POLN: variants seen among roughly 807,000 people sequenced by gnomAD.
POLN encodes DNA polymerase N.
In POLN, 108 loss-of-function variants were observed where a neutral mutation model predicts 113.5. The observed-to-expected ratio is 0.95, with a 90% CI of 0.81 to 1.12. The LOEUF (loss-of-function observed/expected upper bound fraction) is 1.12, where lower values mean the gene tolerates loss of function less well. POLN is among the 50% of genes most tolerant of loss of function. The pLI is 0.00. For missense variants in POLN, 1,097 were observed against 1,077.1 expected, an observed-to-expected ratio of 1.02 and a Z score of -0.26; for synonymous variants, 386 against 391.5, an observed-to-expected ratio of 0.99 and a Z score of 0.17.
chr4:2,230,330 A>T (rs1734536594), intron 2 of POLN: 1 of 152,094 alleles, frequency 6.6e-6, no homozygotes, highest in Non-Finnish European at 1.5e-5. Flanking sequence ...CTGGCCACAC[A>T]TCTAAATATG....
At chr4:2,138,384 C>T (rs1435494070) in intron 16 of POLN, among the ~76,000 whole-genome samples, 2 of 152,166 alleles carry the variant, frequency 1.3e-5, no homozygotes, top group African/African-American at 4.8e-5. Context: ...GCTTGCATTT[C>T]TGACTCTCCC....
At chr4:2,186,542 G>A (rs1321753574) in intron 7 of POLN, among the ~76,000 whole-genome samples, 1 of 152,136 alleles carries the variant, frequency 6.6e-6, no homozygotes, top group African/African-American at 2.4e-5. Context: ...TGGGCTTAAG[G>A]TGCCACCTAG....
At chr4:2,220,441 G>C (rs1011536831) in intron 3 of POLN, among the ~76,000 whole-genome samples, 3 of 152,172 alleles carry the variant, frequency 2.0e-5, no homozygotes, top group African/African-American at 7.2e-5. Context: ...AGTGAGTTTA[G>C]TGATACCCCA....
In POLN at chr4:2,093,910, C is replaced by T. The variant is rs1157947400; in HGVS notation, c.2065+1941G>A. ...GTTCCTGTGTCTTCTCTGTGCCAGG[C>T]AGTGAGCTAACGTGATGAGCTCCTA... is the stretch of plus-strand genomic sequence containing the variant. On this transcript the variant is annotated intron_variant, in intron 20 of 25. Coordinates refer to ENST00000511885, the MANE Select transcript of POLN (RefSeq NM_181808.4). The surrounding 1 kb of genome is among the most constrained non-coding windows in gnomAD (Gnocchi z 4.1). Among the ~76,000 whole-genome samples, 3 of 152,194 alleles carry T rather than the reference C, an allele frequency of 2.0e-5. No individual in the cohort carries two copies. Among genetic ancestry groups the T allele is most frequent in the African/African-American group, 7.2e-5 (3 of 41,448 alleles).
At chr4:2,175,971 C>T (rs1351417338) in intron 9 of POLN, among the ~76,000 whole-genome samples, 1 of 152,232 alleles carries the variant, frequency 6.6e-6, no homozygotes, top group African/African-American at 2.4e-5. Context: ...GTCCATCCCA[C>T]TATTAATCAA....
At chr4:2,162,748 T>C (rs1003197344) in intron 13 of POLN, among the ~76,000 whole-genome samples, 7 of 152,080 alleles carry the variant, frequency 4.6e-5, no homozygotes, top group East Asian at 1.9e-4. Flanking sequence ...TGAGCCACCA[T>C]GCCCGGCCCG....
chr4:2,174,566 C>T (rs1732947802), intron 10 of POLN, 125 bp downstream of exon 10: 2 of 796,504 alleles, frequency 2.5e-6, no homozygotes, highest in Non-Finnish European at 2.1e-6. Context: ...AATAGGCTTG[C>T]TACCTCTCTG....
chr4:2,080,304 G>A (rs975690983), intron 23 of POLN: 84 of 997,432 alleles, frequency 8.4e-5, no homozygotes, highest in Non-Finnish European at 9.8e-5. Flanking sequence ...GTGCCCTGGG[G>A]GAATAACTGA....
At chr4:2,197,494 G>T (rs1560090457) in intron 6 of POLN, among the ~76,000 whole-genome samples, 1 of 152,128 alleles carries the variant, frequency 6.6e-6, no homozygotes, top group South Asian at 2.1e-4. Flanking sequence ...CAGGAGGCAG[G>T]GTCCAGGGAA....
intron 8 of POLN, among the ~76,000 whole-genome samples, chr4:2,178,320 A>G (rs12650308): frequency 6.6e-6 from 1 of 151,790 alleles, no homozygotes; most frequent in African/African-American, 2.4e-5. Context: ...TCACATCACC[A>G]CTTGCTTTGC....
chr4:2,186,217 G>A (rs1296778856), intron 7 of POLN, among the ~76,000 whole-genome samples: 5 of 152,084 alleles, frequency 3.3e-5, no homozygotes, highest in Non-Finnish European at 7.4e-5. Context: ...CATCATCTTG[G>A]GCCCCCTGGC....
rs866191802 is a variant in POLN, at chr4:2,086,668, C to T, written c.2066-924G>A. Among the ~76,000 whole-genome samples, 7 of 152,148 alleles carry T rather than the reference C, an allele frequency of 4.6e-5. No homozygotes were observed. The South Asian group carries it at 1.5e-3, about 32-fold the overall frequency. On this transcript the variant is annotated intron_variant, in intron 20 of 25. Transcript: ENST00000511885. ...ATCCATGAGAACATCATCCCTTGCT[C>T]GACAGTGGGATCCTAGGGAAAGCCT...
chr4:2,081,947 CTTTTTTTTTTTTT>C (rs71167773), intron 21 of POLN, among the ~76,000 whole-genome samples: 2 of 92,554 alleles, frequency 2.2e-5, no homozygotes, highest in African/African-American at 6.2e-5. Context: ...GCACTCTGCA[CTTTTTTTTTTTTT>C]TTTTTTTTTT....
chr4:2,152,898 G>C (rs1345927101), intron 16 of POLN, among the ~76,000 whole-genome samples: 1 of 152,196 alleles, frequency 6.6e-6, no homozygotes, highest in East Asian at 1.9e-4. Flanking sequence ...AAGCATTTTG[G>C]AAGGCAATCT....
intron 4 of POLN, 99 bp from the exon 5 acceptor site, chr4:2,208,586 GA>G (rs1733916380): frequency 1.0e-6 from 1 of 958,322 alleles, no homozygotes. Flanking sequence ...AGGTAATATG[GA>G]GACACAATCT....
intron 2 of POLN, chr4:2,231,960 T>C (rs757297222): frequency 1.2e-5 from 17 of 1,435,674 alleles, no homozygotes; most frequent in Admixed American, 3.8e-5. Flanking sequence ...TAATCTTTGA[T>C]TGAGTTTCTA....
At chr4:2,220,895 C>T (rs909436526) in intron 3 of POLN, among the ~76,000 whole-genome samples, 2 of 152,138 alleles carry the variant, frequency 1.3e-5, no homozygotes, top group African/African-American at 2.4e-5. Flanking sequence ...CATACGTATG[C>T]ATGTGTATAA....
intron 3 of POLN, among the ~76,000 whole-genome samples, chr4:2,226,297 C>T (rs1734390210): frequency 6.6e-6 from 1 of 152,208 alleles, no homozygotes; most frequent in African/African-American, 2.4e-5. Context: ...TGCAACAAGA[C>T]TGAGCCATGT....
intron 16 of POLN, among the ~76,000 whole-genome samples, chr4:2,153,011 C>G (rs1732331378): frequency 6.6e-6 from 1 of 152,314 alleles, no homozygotes; most frequent in Middle Eastern, 3.4e-3. Flanking sequence ...AATACAAGTA[C>G]CAATACAACA....
Sources: allele counts gnomAD v4.1 joint callset (sites outside exome capture counted in the v4.1 genomes callset), GRCh38; gene constraint gnomAD v4.1.1; non-coding constraint Gnocchi (gnomAD v3.1); transcripts MANE v1.5; gene names NCBI Gene and HGNC (gene_info 2026-07-23, HGNC 2026-07-21).